Variants in TBC1D32 observed in about 807,000 individuals in gnomAD.
The protein encoded by TBC1D32 is TBC1 domain family member 32.
TBC1D32 carries 151 observed loss-of-function variants against 170.3 expected under a neutral mutation model. The ratio of observed to expected loss-of-function variants is 0.89; its 90% CI spans 0.78 to 1.01. The LOEUF (loss-of-function observed/expected upper bound fraction) is 1.01. Ranked by LOEUF, TBC1D32 falls within the 50% of genes least tolerant of loss-of-function variation. The pLI is 0.00. For missense variants in TBC1D32, 1,464 were observed against 1,457.1 expected (o/e 1.00, Z -0.08); for synonymous variants, 498 against 488.0 (o/e 1.02, Z -0.27).
intron 21 of TBC1D32, 24 bp downstream of exon 21, chr6:121,223,212 A>G: frequency 7.2e-7 from 1 of 1,392,402 alleles, no homozygotes. Context: ...TATAACAGAG[A>G]AAGATTTAAA....
intron 12 of TBC1D32, among the ~76,000 whole-genome samples, chr6:121,288,876 C>T (rs967745506): frequency 6.1e-4 from 93 of 152,256 alleles, no homozygotes; most frequent in African/African-American, 1.8e-3. Flanking sequence ...CGTAATCCAG[C>T]ATATAAACAG....
At chr6:121,231,595 T>C (rs1292959487) in intron 20 of TBC1D32, among the ~76,000 whole-genome samples, 3 of 151,968 alleles carry the variant, frequency 2.0e-5, no homozygotes, top group African/African-American at 7.2e-5. Context: ...TTTTTTTTCA[T>C]TTTTTGATTA....
chr6:121,241,975 T>G (rs989233042), intron 18 of TBC1D32, among the ~76,000 whole-genome samples: 2 of 152,154 alleles, frequency 1.3e-5, no homozygotes, highest in Admixed American at 1.3e-4. Flanking sequence ...TTAACTGCAT[T>G]CTTCAATTCC....
intron 17 of TBC1D32, among the ~76,000 whole-genome samples, chr6:121,245,555 C>G (rs1328834873): frequency 6.6e-6 from 1 of 152,156 alleles, no homozygotes; most frequent in Non-Finnish European, 1.5e-5. Flanking sequence ...ACCTCTCTAT[C>G]CAATAGGCAG....
At chr6:121,285,570 A>C (rs964100031) in intron 12 of TBC1D32, among the ~76,000 whole-genome samples, 1 of 152,190 alleles carries the variant, frequency 6.6e-6, no homozygotes, top group African/African-American at 2.4e-5. Context: ...GCTCCAGTCT[A>C]CAGCTCCCAG....
At chr6:121,248,564 A>G (rs1797916347) in intron 17 of TBC1D32, among the ~76,000 whole-genome samples, 1 of 152,010 alleles carries the variant, frequency 6.6e-6, no homozygotes, top group Admixed American at 6.6e-5. Context: ...ACCATTAGCA[A>G]GATTAACCAA....
intron 30 of TBC1D32, among the ~76,000 whole-genome samples, chr6:121,100,285 G>T (rs183755399): frequency 6.6e-6 from 1 of 151,872 alleles, no homozygotes; most frequent in Non-Finnish European, 1.5e-5. Context: ...TATTAGGTCC[G>T]ATTGGTGCAG....
intron 22 of TBC1D32, among the ~76,000 whole-genome samples, chr6:121,195,940 A>G (rs895603184): frequency 1.3e-5 from 2 of 152,176 alleles, no homozygotes; most frequent in Non-Finnish European, 2.9e-5. Context: ...ACACTGATTC[A>G]TGGGCTGTAG....
intron 19 of TBC1D32, among the ~76,000 whole-genome samples, chr6:121,241,119 C>T (rs1796932474): frequency 6.6e-6 from 1 of 152,028 alleles, no homozygotes; most frequent in Non-Finnish European, 1.5e-5. Context: ...ATAATCCTAT[C>T]AGATGGGACT....
intron 20 of TBC1D32, among the ~76,000 whole-genome samples, chr6:121,230,996 T>C (rs947352130): frequency 6.6e-6 from 1 of 152,118 alleles, no homozygotes; most frequent in Admixed American, 6.6e-5. Context: ...TGCCTTGGTG[T>C]CCTCATAGCT....
In TBC1D32 at chr6:121,160,129, T is replaced by A. The variant is rs190337054; in HGVS notation, c.2680-26A>T. On this transcript the variant is annotated intron_variant, in intron 23 of 31. Transcript: ENST00000398212. ...CTAAAAAAGAAGCAAGACAGATGAC[T>A]TTAGGAAGTGGTCTAAAATAATATT... 55 of 1,380,562 alleles carry A rather than the reference T, an allele frequency of 4.0e-5. No individual in the cohort carries two copies. The East Asian group carries it at 1.2e-3, about 29-fold the overall frequency. 85.5% of individuals were successfully genotyped at this position (1,380,562 alleles called of 1,614,324 possible).
intron 24 of TBC1D32, among the ~76,000 whole-genome samples, chr6:121,131,979 T>C (rs992148080): frequency 6.6e-6 from 1 of 152,100 alleles, no homozygotes; most frequent in South Asian, 2.1e-4. Context: ...ATAAAATGGA[T>C]TGTGATTTGT....
intron 2 of TBC1D32, among the ~76,000 whole-genome samples, chr6:121,319,278 A>G (rs1221741661): frequency 6.6e-6 from 1 of 152,140 alleles, no homozygotes; most frequent in Non-Finnish European, 1.5e-5. Context: ...TTTAACGTAA[A>G]GGGACATAAA....
intron 24 of TBC1D32, among the ~76,000 whole-genome samples, chr6:121,136,411 G>C (rs1222065403): frequency 6.6e-6 from 1 of 152,140 alleles, no homozygotes; most frequent in African/African-American, 2.4e-5. Flanking sequence ...TTGCTCCCCA[G>C]GGAACATTTG....
At chr6:121,088,202 G>A (rs1051149635) in intron 31 of TBC1D32, among the ~76,000 whole-genome samples, 5 of 151,840 alleles carry the variant, frequency 3.3e-5, no homozygotes, top group Non-Finnish European at 4.4e-5. Flanking sequence ...CTATCCTCTC[G>A]CCTTGACCTC....
chr6:121,211,606 G>A (rs1201455715), intron 21 of TBC1D32, among the ~76,000 whole-genome samples: 2 of 152,018 alleles, frequency 1.3e-5, no homozygotes, highest in Non-Finnish European at 1.5e-5. Context: ...TTGAGTAATC[G>A]TCTCCAATTC....
chr6:121,252,653 G>A (rs748758979), intron 17 of TBC1D32, among the ~76,000 whole-genome samples: 1 of 152,084 alleles, frequency 6.6e-6, no homozygotes, highest in Non-Finnish European at 1.5e-5. Flanking sequence ...GGGTTGATGG[G>A]TGCAGCAAAC....
At chr6:121,138,106 A>C (rs930125470) in intron 24 of TBC1D32, among the ~76,000 whole-genome samples, 1 of 152,070 alleles carries the variant, frequency 6.6e-6, no homozygotes, top group African/African-American at 2.4e-5. Context: ...AAAACATTGG[A>C]GTGGTCCCTG....
At position 121,190,031 on chromosome 6, in the gene TBC1D32, C is replaced by A. The variant is rs539921029; in HGVS notation, c.2570+15044G>T. Among the ~76,000 whole-genome samples, 5 of 149,550 alleles carry A rather than the reference C, an allele frequency of 3.3e-5. No homozygotes were observed. In the East Asian group the frequency reaches 1.0e-3, roughly 30 times the overall value. ...CTGCAAAGAGGTAGATTTTAAAACA[C>A]CACACACTATATAATTTCTTTCTTT... On this transcript the variant is annotated intron_variant, in intron 22 of 31. Coordinates refer to ENST00000398212, the MANE Select transcript of TBC1D32 (RefSeq NM_152730.6).
Sources: gnomAD v4.1 joint callset for allele counts (sites outside exome capture counted in the v4.1 genomes callset) on GRCh38, gnomAD v4.1.1 for gene constraint, MANE v1.5 for transcripts, NCBI Gene and HGNC (gene_info 2026-07-23, HGNC 2026-07-21) for gene names.